CPT1B: variants seen among roughly 807,000 people sequenced by gnomAD.
CPT1B encodes the protein carnitine palmitoyltransferase 1B.
In CPT1B, 57 loss-of-function variants were observed where a neutral mutation model predicts 92.7. That is an observed-to-expected ratio of 0.62 (90% CI 0.50 to 0.77). The LOEUF is 0.77. Among genes scored for constraint, CPT1B ranks in the 30% least tolerant of loss-of-function variants. The pLI is 0.00. For missense variants in CPT1B, 983 were observed against 1,017.4 expected (o/e 0.97, Z 0.46); for synonymous variants, 398 against 383.5 (o/e 1.04, Z -0.44).
chr22:50,569,651 A>G lies in CPT1B; in HGVS notation c.2160T>C (p.Tyr720=), dbSNP rs766486998. 9 of 1,614,022 alleles carry G rather than the reference A, an allele frequency of 5.6e-6. No individual in the cohort carries two copies. The highest frequency in any genetic ancestry group is 7.6e-6 in the Non-Finnish European group (9 of 1,179,986). ...CGCCTGCAATCATGTAGGAAACTCC[A>G]TAGCCATCATCTGCTACCTGAGGGC... The part of the protein sequence containing the change: ...GGFGPVADDG[Y]GVSYMIAGEN... Residue 720 remains tyrosine, a synonymous_variant, in exon 18 of 20, where the codon TAT becomes TAC. Coordinates refer to ENST00000312108, the MANE Select transcript of CPT1B (RefSeq NM_152246.3).
chr22:50,575,390 C>T (rs1001648291), intron 7 of CPT1B, among the ~76,000 whole-genome samples: 2 of 152,214 alleles, frequency 1.3e-5, no homozygotes, highest in Non-Finnish European at 2.9e-5. Flanking sequence ...CACTAAAAAG[C>T]AGTTTAAAAC....
In CPT1B at chr22:50,577,333, A is replaced by G; in HGVS notation, c.272T>C (p.Leu91Pro). The part of the protein sequence containing the change: ...LGLVSCIQRC[L>P]PQGCGPYQTP... ...CAGTTTCACTCCTTACCCCTGAGGG[A>G]GGCATCTCTGGATGCAACTGACCAG... The change falls in exon 3 of 20, where the codon CTC becomes CCC. Residue 91 changes from leucine (L) to proline (P), a missense_variant. Coordinates refer to ENST00000312108, the MANE Select transcript of CPT1B (RefSeq NM_152246.3). The G allele has an allele frequency of 1.2e-6, 2 of 1,613,770 alleles. No individual in the cohort carries two copies. Among genetic ancestry groups the G allele is most frequent in the Non-Finnish European group, 1.7e-6 (2 of 1,179,956 alleles).
At position 50,571,987 on chromosome 22, in the gene CPT1B, C is replaced by T. The variant is rs8142621; in HGVS notation, c.1575+19G>A. 54,588 of 1,608,940 alleles carry T rather than the reference C, an allele frequency of 0.034. 1,254 individuals are homozygous for T. The highest frequency in any genetic ancestry group is 0.083 in the African/African-American group (6,215 of 74,912). Reference sequence around the variant, plus strand: ...GCTGCTTTGTGGTCTCACACCTGCTCTGGGAGCTTCCAACCCACCTGTTTT... The same window carrying T: ...GCTGCTTTGTGGTCTCACACCTGCTTTGGGAGCTTCCAACCCACCTGTTTT... On this transcript the variant is annotated intron_variant, in intron 13 of 19. Coordinates refer to ENST00000312108, the MANE Select transcript of CPT1B (RefSeq NM_152246.3).
At position 50,574,545 on chromosome 22, in the gene CPT1B, A is replaced by G. The variant is rs200933686; in HGVS notation, c.833T>C (p.Ile278Thr). ...DVQAARLGNI[I>T]HAMIMYRRKL... Reference sequence around the variant, plus strand: ...ACGGCGATACATGATCATGGCGTGGATGATGTTTCCCAGGCGGGCTGCCTG... The same window carrying G: ...ACGGCGATACATGATCATGGCGTGGGTGATGTTTCCCAGGCGGGCTGCCTG... Residue 278 changes from isoleucine to threonine, a missense_variant, in exon 8 of 20, where the codon ATC becomes ACC. Ile to Thr is a moderately conservative substitution (Grantham distance 89). Coordinates refer to ENST00000312108, the MANE Select transcript of CPT1B (RefSeq NM_152246.3). The G allele has an allele frequency of 2.5e-5, 40 of 1,613,908 alleles. No individual in the cohort carries two copies. Among genetic ancestry groups the G allele is most frequent in the Non-Finnish European group, 2.4e-5 (28 of 1,179,994 alleles).
rs748234740 is a variant in CPT1B, at chr22:50,571,160, T to C, written c.1873A>G (p.Thr625Ala). 6.2e-7 allele frequency: 1 copy of C among 1,614,080 alleles called. No homozygotes were observed. The highest frequency in any genetic ancestry group is 1.1e-5 in the South Asian group (1 of 91,078). Residue 625 changes from threonine to alanine, a missense_variant and splice_region_variant, in exon 15 of 20, where the codon ACA becomes GCA. Thr to Ala is a moderately conservative substitution (Grantham distance 58, BLOSUM62 0). Transcript: ENST00000312108. Reference protein sequence around the residue: ...FVQAMMEGSHTKADLRDLFQK... With the variant: ...FVQAMMEGSHAKADLRDLFQK... The stretch of plus-strand genomic sequence containing the variant: ...CCACATGGGCAGAGGACACTTACTG[T>C]GTGGGACCCCTCCATCATGGCCTGC...
chr22:50,571,500 C>T lies in CPT1B; in HGVS notation c.1615G>A (p.Ala539Thr), dbSNP rs2070171640. The change falls in exon 14 of 20, where the codon GCG (alanine) becomes ACG (threonine). Residue 539 changes from alanine (A) to threonine (T), a missense_variant. Transcript: ENST00000312108. ...VIESSYQVAK[A>T]LADDVELYCF... is the part of the protein sequence containing the mutation. ...TACAACTCCACGTCGTCTGCCAACG[C>T]CTTGGCCACCTGGTAGGAACTCTCG... 1.2e-6 allele frequency: 2 copies of T among 1,613,518 alleles called. No homozygotes were observed. Among genetic ancestry groups the T allele is most frequent in the Middle Eastern group, 1.6e-4 (1 of 6,062 alleles).
rs545960909 is a variant in CPT1B, at chr22:50,573,315, G to A, written c.1166+205C>T. Among the ~76,000 whole-genome samples, 33 of 152,212 alleles carry A rather than the reference G, an allele frequency of 2.2e-4. No homozygotes were observed. Among genetic ancestry groups the A allele is most frequent in the Middle Eastern group, 6.8e-3 (2 of 294 alleles). On this transcript the variant is annotated intron_variant, in intron 10 of 19. Transcript: ENST00000312108. This position sits in a 1 kb window ranked among gnomAD's most constrained non-coding sequence, Gnocchi z 5.0. ...GTGGGGGGTGCCAAGCTATTTTGGA[G>A]GGTGTCCCCACCCTCTGCACACTTC...
At position 50,576,332 on chromosome 22, in the gene CPT1B, G is replaced by C; in HGVS notation, c.565C>G (p.Leu189Val). Residue 189 changes from leucine to valine, a missense_variant, in exon 6 of 20, where the codon CTA (leucine) becomes GTA (valine). Transcript: ENST00000312108. ...PRVSATIQRY[L>V]ESVRPLLDDE... ...TCCAACAAGGGGCGCACAGACTCTA[G>C]GTACTGTCCAGCCAGTTATCATCAC... The C allele has an allele frequency of 1.2e-6, 2 of 1,614,044 alleles. No homozygotes were observed. The highest frequency in any genetic ancestry group is 1.7e-6 in the Non-Finnish European group (2 of 1,180,012).
At position 50,577,899 on chromosome 22, in the gene CPT1B, TG is replaced by T; in HGVS notation, c.16del (p.Gln6ArgfsTer9). On this transcript the variant is annotated frameshift_variant, in exon 2 of 20. Transcript: ENST00000312108. LOFTEE classifies it high-confidence loss of function. ...CACCGTGAACTGGAAGGCCACGGCCTGGTGAGCTTCCGCCATCCTGGGGGTT... is the reference window on the plus strand; with the variant it reads ...CACCGTGAACTGGAAGGCCACGGCCTGTGAGCTTCCGCCATCCTGGGGGTT... Reference protein sequence around the residue: MAEAHQAVAFQFTVTP... With the variant: MAEAHXAVAFQFTVTP... The T allele has an allele frequency of 6.2e-7, 1 of 1,611,414 alleles. No individual in the cohort carries two copies. Among genetic ancestry groups the T allele is most frequent in the Non-Finnish European group, 8.5e-7 (1 of 1,178,452 alleles).
At position 50,571,047 on chromosome 22, in the gene CPT1B, C is replaced by CG; in HGVS notation, c.1876-5dup. On this transcript the variant is annotated splice_region_variant and splice_polypyrimidine_tract_variant and intron_variant, in intron 15 of 19. Coordinates refer to ENST00000312108, the MANE Select transcript of CPT1B (RefSeq NM_152246.3). ...AGAGATCTCGCAGGTCTGCTTTCTGCGGGGCAGAAGTAAAGGGGTGAAGAG... is the reference window on the plus strand; with the variant it reads ...AGAGATCTCGCAGGTCTGCTTTCTGCGGGGGCAGAAGTAAAGGGGTGAAGAG... The CG allele has an allele frequency of 6.2e-7, 1 of 1,613,750 alleles. No homozygotes were observed. The highest frequency in any genetic ancestry group is 8.5e-7 in the Non-Finnish European group (1 of 1,179,820).
At chr22:50,575,305 G>A (rs1435489911) in intron 7 of CPT1B, among the ~76,000 whole-genome samples, 1 of 152,138 alleles carries the variant, frequency 6.6e-6, no homozygotes, top group South Asian at 2.1e-4. Flanking sequence ...CACTGCACCC[G>A]GCCCGAGCTG....
chr22:50,570,398 C>G lies in CPT1B; in HGVS notation c.2037G>C (p.Ser679=). 6.3e-7 allele frequency: 1 copy of G among 1,596,178 alleles called. No homozygotes were observed. Among genetic ancestry groups the G allele is most frequent in the South Asian group, 1.1e-5 (1 of 88,734 alleles). ...GGCTGGTGGAGAGACGCCAGGGTTC[C>G]GAGAGCACCTGCAATGGAGGCCACA... ...VSSPFLAEVL[S]EPWRLSTSQI... The change falls in exon 17 of 20, where the codon TCG becomes TCC. Residue 679 remains serine (S), a synonymous_variant. Coordinates refer to ENST00000312108, the MANE Select transcript of CPT1B (RefSeq NM_152246.3).
Position 50,574,349 on chromosome 22 carries a change from G to A in CPT1B, c.956C>T (p.Pro319Leu), listed in dbSNP as rs765973798. ...GGCTCAGTTACCTGTGTCCTTGCCC[G>A]GGATCCGAGTGGTGTTGAACATCCT... ...MERMFNTTRI[P>L]GKDTDVLQHL... is the part of the protein sequence containing the mutation. Residue 319 changes from proline to leucine, a missense_variant, in exon 9 of 20, where the codon CCG becomes CTG. Physicochemically the swap from Pro to Leu is moderately conservative, Grantham distance 98. Coordinates refer to ENST00000312108, the MANE Select transcript of CPT1B (RefSeq NM_152246.3). The A allele has an allele frequency of 5.6e-6, 9 of 1,613,006 alleles. No homozygotes were observed. Among genetic ancestry groups the A allele is most frequent in the Admixed American group, 1.7e-5 (1 of 59,820 alleles).
rs769680958 is a variant in CPT1B, at chr22:50,574,387, G to A, written c.918C>T (p.Ser306=). The A allele has an allele frequency of 1.9e-6, 3 of 1,614,068 alleles. No homozygotes were observed. The highest frequency in any genetic ancestry group is 2.5e-6 in the Non-Finnish European group (3 of 1,179,996). The change falls in exon 9 of 20, where the codon TCC becomes TCT. Residue 306 remains serine (S), a synonymous_variant. Coordinates refer to ENST00000312108, the MANE Select transcript of CPT1B (RefSeq NM_152246.3). The stretch of plus-strand genomic sequence containing the variant: ...TGTTGAACATCCTCTCCATCTGGTA[G>A]GAGCACATAGGCACTATGCCCAGTG... The part of the protein sequence containing the change: ...VMALGIVPMC[S]YQMERMFNTT...
chr22:50,571,736 G>T (rs1011698593), intron 13 of CPT1B, 197 bp from the exon 14 acceptor site: 4 of 665,610 alleles, frequency 6.0e-6, no homozygotes, highest in African/African-American at 5.4e-5. Context: ...GGGTAAGAGG[G>T]AAGTGCTGAA....
intron 3 of CPT1B, 141 bp from the exon 4 acceptor site, chr22:50,577,175 G>A: frequency 2.2e-6 from 3 of 1,371,666 alleles, no homozygotes; most frequent in Non-Finnish European, 3.0e-6. Context: ...GCGGATGTAG[G>A]GCTAAGACAA....
rs6520156 is a variant in CPT1B, at chr22:50,576,640, G to A, written c.460-3C>T. The A allele has an allele frequency of 1.9e-4, 314 of 1,610,600 alleles. No individual in the cohort carries two copies. The African/African-American group carries it at 3.9e-3, about 20-fold the overall frequency. The stretch of plus-strand genomic sequence containing the variant: ...CTGGATAGAAGGCGGATACACATCT[G>A]GGGGTACAGAGCAGAGTGCTGGGGT... On this transcript the variant is annotated splice_region_variant and splice_polypyrimidine_tract_variant and intron_variant, in intron 4 of 19. Transcript: ENST00000312108.
chr22:50,572,955 T>A lies in CPT1B; in HGVS notation c.1272A>T (p.Glu424Asp). 6.2e-7 allele frequency: 1 copy of A among 1,613,824 alleles called. No individual in the cohort carries two copies. The highest frequency in any genetic ancestry group is 8.5e-7 in the Non-Finnish European group (1 of 1,179,862). ...RAAFFVALDEESYSYDPEDEA... is the reference protein window; with the variant it reads ...RAAFFVALDEDSYSYDPEDEA... ...CATCTTCGGGGTCATAGGAGTAGGA[T>A]TCCTCATCCAGGGCCACGAAGAAAG... The change falls in exon 11 of 20, where the codon GAA (glutamate) becomes GAT (aspartate). Residue 424 changes from glutamate (E) to aspartate (D), a missense_variant. By Grantham distance (45) the Glu-to-Asp change is conservative (BLOSUM62 2). Transcript: ENST00000312108.
At chr22:50,570,200 C>A in intron 17 of CPT1B, 93 bp downstream of exon 17, 1 of 895,170 alleles carries the variant, frequency 1.1e-6, no homozygotes, top group South Asian at 1.9e-5. Flanking sequence ...AAGCAAGGTG[C>A]TCCTGCCTCT....
Sources: allele counts gnomAD v4.1 joint callset (sites outside exome capture counted in the v4.1 genomes callset), GRCh38; gene constraint gnomAD v4.1.1; non-coding constraint Gnocchi (gnomAD v3.1); transcripts MANE v1.5; gene names NCBI Gene and HGNC (gene_info 2026-07-23, HGNC 2026-07-21).